DSCAM: variants seen among roughly 807,000 people sequenced by gnomAD.
DSCAM encodes DS cell adhesion molecule, also known as cell adhesion molecule DSCAM.
Under a neutral mutation model 217.7 loss-of-function variants are expected in DSCAM, and 47 were observed. That is an observed-to-expected ratio of 0.22 (90% CI 0.17 to 0.28). The LOEUF (loss-of-function observed/expected upper bound fraction) is 0.28. DSCAM is among the 10% of genes least tolerant of loss of function. The pLI, the probability that DSCAM is intolerant of heterozygous loss-of-function variation, is 1.00. For missense variants in DSCAM, 2,080 were observed against 2,618.3 expected (o/e 0.79, Z 4.49); for synonymous variants, 1,056 against 1,015.3 (o/e 1.04, Z -0.76).
chr21:40,180,238 G>T (rs982524167), intron 14 of DSCAM, among the ~76,000 whole-genome samples: 2 of 152,148 alleles, frequency 1.3e-5, no homozygotes, highest in African/African-American at 4.8e-5. Context: ...TCACACTAAG[G>T]GTGAGTATGG....
At chr21:40,257,193 T>A (rs1011490684) in intron 11 of DSCAM, among the ~76,000 whole-genome samples, 70 of 152,294 alleles carry the variant, frequency 4.6e-4, no homozygotes, top group African/African-American at 1.6e-3. Flanking sequence ...TACAAAACTC[T>A]GAGAGAGTTC....
At chr21:40,580,544 A>G (rs543206506) in intron 3 of DSCAM, among the ~76,000 whole-genome samples, 2 of 152,202 alleles carry the variant, frequency 1.3e-5, no homozygotes, top group East Asian at 2.0e-4. Flanking sequence ...GTCTCAAAAA[A>G]AAACAAAACA....
chr21:40,714,009 G>T (rs1601162245), intron 1 of DSCAM, among the ~76,000 whole-genome samples: 1 of 152,292 alleles, frequency 6.6e-6, no homozygotes, highest in African/African-American at 2.4e-5. Flanking sequence ...GCTCTGGAAG[G>T]TACTAATCAT....
At chr21:40,459,952 G>T (rs1204386246) in intron 3 of DSCAM, among the ~76,000 whole-genome samples, 2 of 152,242 alleles carry the variant, frequency 1.3e-5, no homozygotes, top group South Asian at 2.1e-4. Flanking sequence ...ATAAAAACAA[G>T]TTCCACGAGA....
intron 3 of DSCAM, among the ~76,000 whole-genome samples, chr21:40,577,602 C>G (rs1212856486): frequency 6.6e-6 from 1 of 152,140 alleles, no homozygotes; most frequent in Non-Finnish European, 1.5e-5. Flanking sequence ...AATTAAGAGT[C>G]CTTTATTAGC....
chr21:40,811,208 C>T (rs2091835220), intron 1 of DSCAM, among the ~76,000 whole-genome samples: 1 of 152,126 alleles, frequency 6.6e-6, no homozygotes, highest in African/African-American at 2.4e-5. Context: ...CGTGCAGAGT[C>T]AAGGAGCAAG....
intron 14 of DSCAM, among the ~76,000 whole-genome samples, chr21:40,186,069 A>G (rs771461046): frequency 6.6e-5 from 10 of 152,104 alleles, no homozygotes; most frequent in Admixed American, 1.3e-4. Context: ...ACTTTTCAAA[A>G]CACTATTTTT....
rs199762930 is a variant in DSCAM, at chr21:40,357,800, A to G, written c.656-4057T>C. On this transcript the variant is annotated intron_variant, in intron 4 of 32. Coordinates refer to ENST00000400454, the MANE Select transcript of DSCAM (RefSeq NM_001389.5). ...TGGGTGCAGCACAACAACATGGCAC[A>G]TGTATATATATGTAACGAACCTGCA... Among the ~76,000 whole-genome samples the G allele has an allele frequency of 7.0e-4, 107 of 152,244 alleles. 2 individuals are homozygous for G. The East Asian group carries it at 7.4e-3, about 10-fold the overall frequency.
intron 3 of DSCAM, among the ~76,000 whole-genome samples, chr21:40,491,034 T>A (rs1390947077): frequency 6.6e-6 from 1 of 152,210 alleles, no homozygotes; most frequent in Non-Finnish European, 1.5e-5. Flanking sequence ...GCTTATAAAA[T>A]CTGTGAGTCT....
At chr21:40,315,216 T>A (rs552213299) in intron 8 of DSCAM, among the ~76,000 whole-genome samples, 41 of 151,512 alleles carry the variant, frequency 2.7e-4, no homozygotes, top group Non-Finnish European at 5.9e-5. Context: ...CTGGCCAACA[T>A]GGAAAAACCT....
At chr21:40,555,493 A>C (rs1434194809) in intron 3 of DSCAM, among the ~76,000 whole-genome samples, 1 of 152,238 alleles carries the variant, frequency 6.6e-6, no homozygotes, top group African/African-American at 2.4e-5. Flanking sequence ...TGATGCCAAA[A>C]TAAGAATCAG....
chr21:40,542,373 T>C (rs2076549034), intron 3 of DSCAM, among the ~76,000 whole-genome samples: 1 of 152,136 alleles, frequency 6.6e-6, no homozygotes, highest in South Asian at 2.1e-4. Context: ...AGATTAATGG[T>C]TTTCAAATTG....
At chr21:40,077,052 T>C (rs1244333169) in intron 26 of DSCAM, among the ~76,000 whole-genome samples, 1 of 152,152 alleles carries the variant, frequency 6.6e-6, no homozygotes, top group East Asian at 1.9e-4. Flanking sequence ...CACCTTTGAA[T>C]GAAGTCACTG....
chr21:40,363,645 A>C (rs187246830), intron 4 of DSCAM, among the ~76,000 whole-genome samples: 1,523 of 152,276 alleles, frequency 0.01, 17 homozygotes, highest in Non-Finnish European at 0.013. Flanking sequence ...TAAAACACCA[A>C]AAGCAATGCC....
intron 1 of DSCAM, among the ~76,000 whole-genome samples, chr21:40,738,862 C>T (rs926685666): frequency 2.0e-5 from 3 of 152,176 alleles, no homozygotes; most frequent in African/African-American, 7.2e-5. Context: ...ATCACTTCAA[C>T]TCGCCATCCC....
At position 40,055,819 on chromosome 21, in the gene DSCAM, A is replaced by G; in HGVS notation, c.4941T>C (p.Asp1647=). Residue 1647 remains aspartate (D), a synonymous_variant, in exon 29 of 33, where the codon GAT becomes GAC. Coordinates refer to ENST00000400454, the MANE Select transcript of DSCAM (RefSeq NM_001389.5). ...GGGTCTGCTGTTGCTTGCTTAACGTATCTGAAGTCCGGGTATTCTTACTGG... is the reference window on the plus strand; with the variant it reads ...GGGTCTGCTGTTGCTTGCTTAACGTGTCTGAAGTCCGGGTATTCTTACTGG... ...MLMSKNTRTS[D]TLSKQQQTLR... is the part of the protein sequence containing the mutation. The G allele has an allele frequency of 3.1e-6, 5 of 1,613,592 alleles. No homozygotes were observed. The highest frequency in any genetic ancestry group is 4.2e-6 in the Non-Finnish European group (5 of 1,179,530).
At chr21:40,534,802 T>G (rs1001400760) in intron 3 of DSCAM, among the ~76,000 whole-genome samples, 3 of 152,232 alleles carry the variant, frequency 2.0e-5, no homozygotes, top group African/African-American at 7.2e-5. Flanking sequence ...TTATTTTAAT[T>G]TAATCTATTA....
chr21:40,550,024 T>C (rs951473877), intron 3 of DSCAM, among the ~76,000 whole-genome samples: 2 of 152,182 alleles, frequency 1.3e-5, no homozygotes, highest in Non-Finnish European at 2.9e-5. Flanking sequence ...TTTTGAGTTC[T>C]TGACGTTATT....
chr21:40,117,545 AAGGTAG>A (rs951747355), intron 20 of DSCAM, among the ~76,000 whole-genome samples: 2 of 152,214 alleles, frequency 1.3e-5, no homozygotes, highest in African/African-American at 4.8e-5. Flanking sequence ...CCTCCTGCGT[AAGGTAG>A]TCACCAGAAT....
Sources: gnomAD v4.1 joint callset for allele counts (sites outside exome capture counted in the v4.1 genomes callset) on GRCh38, gnomAD v4.1.1 for gene constraint, MANE v1.5 for transcripts, NCBI Gene and HGNC (gene_info 2026-07-23, HGNC 2026-07-21) for gene names.